Variants in FBXL2 observed in about 807,000 individuals in gnomAD.
FBXL2 encodes F-box/LRR-repeat protein 2.
Under a neutral mutation model 69.2 loss-of-function variants are expected in FBXL2, and 38 were observed. The observed-to-expected ratio is 0.55, with a 90% CI of 0.42 to 0.72. The LOEUF (loss-of-function observed/expected upper bound fraction) is 0.72, where lower values mean the gene tolerates loss of function less well. Ranked by LOEUF, FBXL2 falls within the 30% of genes least tolerant of loss-of-function variation. The pLI is 0.00. For missense variants in FBXL2, 354 were observed against 520.3 expected (o/e 0.68, Z 3.11); for synonymous variants, 192 against 201.3 (o/e 0.95, Z 0.39).
intron 2 of FBXL2, among the ~76,000 whole-genome samples, chr3:33,314,301 C>CTGAT (rs1245512307): frequency 8.5e-5 from 13 of 152,214 alleles, no homozygotes; most frequent in Admixed American, 1.3e-4. Flanking sequence ...AAGTTTGTAC[C>CTGAT]GTTTGACCAA....
chr3:33,390,327 G>C (rs368155809), downstream of FBXL2: 81 of 1,613,676 alleles, frequency 5.0e-5, no homozygotes, highest in Admixed American at 3.3e-5. Flanking sequence ...GTCTATATAA[G>C]ACATCACTTC....
At chr3:33,370,286 C>T (rs141357132) in intron 5 of FBXL2, among the ~76,000 whole-genome samples, 3,064 of 151,940 alleles carry the variant, frequency 0.02, 59 homozygotes, top group Admixed American at 0.057. Flanking sequence ...GGCGTGATGG[C>T]GGGCACCTGT....
At chr3:33,370,928 T>A (rs2042257470) in intron 5 of FBXL2, among the ~76,000 whole-genome samples, 1 of 151,624 alleles carries the variant, frequency 6.6e-6, no homozygotes, top group African/African-American at 2.4e-5. Flanking sequence ...CAATTATTTC[T>A]TCAGTATTTT....
chr3:33,322,031 G>A (rs1387111247), intron 2 of FBXL2, among the ~76,000 whole-genome samples: 1 of 147,266 alleles, frequency 6.8e-6, no homozygotes, highest in Non-Finnish European at 1.5e-5. Context: ...TATACCCTTA[G>A]GAACCTGCAA....
intron 1 of FBXL2, among the ~76,000 whole-genome samples, chr3:33,290,406 C>T (rs1490329911): frequency 6.6e-6 from 1 of 151,960 alleles, no homozygotes. Flanking sequence ...ATGAGATATA[C>T]AAAGAAACAA....
intron 2 of FBXL2, among the ~76,000 whole-genome samples, chr3:33,324,478 T>C (rs1041667113): frequency 2.0e-5 from 3 of 152,128 alleles, no homozygotes; most frequent in Admixed American, 1.3e-4. Flanking sequence ...TTAATTTTAG[T>C]GTAAGGTATA....
intron 2 of FBXL2, among the ~76,000 whole-genome samples, chr3:33,298,937 CT>C: frequency 6.6e-6 from 1 of 151,762 alleles, no homozygotes; most frequent in East Asian, 1.9e-4. Context: ...TTCACAGGGC[CT>C]TAATAGGCTA....
At chr3:33,398,866 C>T (rs183346545) in intron 12 of FBXL2, among the ~76,000 whole-genome samples, 6 of 152,276 alleles carry the variant, frequency 3.9e-5, no homozygotes, top group East Asian at 3.9e-4. Context: ...CCCAGCTCCC[C>T]GACCCTGAAA....
rs1559633375 is a variant in FBXL2 at position 33,377,270 on chromosome 3, C to T, written c.789-3C>T. 1 of 1,614,108 alleles carries T rather than the reference C, an allele frequency of 6.2e-7. No individual in the cohort carries two copies. The highest frequency in any genetic ancestry group is 8.5e-7 in the Non-Finnish European group (1 of 1,179,988). On this transcript the variant is annotated splice_polypyrimidine_tract_variant and splice_region_variant and intron_variant, in intron 10 of 14. Transcript: ENST00000484457. ...TTCTCCCCTGTACCCACTTTCTCCT[C>T]AGAATTTTGGAGGCTGCCCGATGCT...
chr3:33,319,876 A>G (rs1232725445), intron 2 of FBXL2, among the ~76,000 whole-genome samples: 1 of 152,240 alleles, frequency 6.6e-6, no homozygotes, highest in African/African-American at 2.4e-5. Context: ...CTAAATTCAG[A>G]CATCCAAAAA....
downstream of FBXL2, among the ~76,000 whole-genome samples, chr3:33,405,050 G>A (rs192289669): frequency 5.4e-4 from 82 of 152,214 alleles, no homozygotes; most frequent in African/African-American, 1.9e-3. Context: ...GAGTTAAGAG[G>A]CTATGGTCAC....
At chr3:33,298,779 C>T (rs577602133) in intron 2 of FBXL2, among the ~76,000 whole-genome samples, 62 of 148,558 alleles carry the variant, frequency 4.2e-4, no homozygotes, top group Non-Finnish European at 6.2e-4. Context: ...AATAGGTGTA[C>T]ACATGGTAAT....
chr3:33,316,551 TATC>T (rs2037714421), intron 2 of FBXL2, among the ~76,000 whole-genome samples: 1 of 152,158 alleles, frequency 6.6e-6, no homozygotes, highest in Non-Finnish European at 1.5e-5. Context: ...TTCCTCCCAG[TATC>T]ATCAGCTGCT....
At chr3:33,412,124 T>C in the FBXL2 span, among the ~76,000 whole-genome samples, 8 of 149,464 alleles carry the variant, frequency 5.4e-5, no homozygotes, top group Non-Finnish European at 1.2e-4. Context: ...GAGGCGGAGG[T>C]TGCAGTGAGC....
intron 2 of FBXL2, among the ~76,000 whole-genome samples, chr3:33,315,591 T>G (rs927563329): frequency 6.6e-6 from 1 of 152,188 alleles, no homozygotes; most frequent in Admixed American, 6.5e-5. Context: ...CTTTTTTGTT[T>G]ACTCACTTTG....
At chr3:33,372,090 C>G (rs2042337613) in intron 5 of FBXL2, among the ~76,000 whole-genome samples, 2 of 152,060 alleles carry the variant, frequency 1.3e-5, no homozygotes, top group Admixed American at 1.3e-4. Flanking sequence ...GTACTGAATT[C>G]TTTTTGTTGT....
At chr3:33,361,098 A>ATTTTTTTT (rs58660334) in intron 4 of FBXL2, among the ~76,000 whole-genome samples, 4 of 116,336 alleles carry the variant, frequency 3.4e-5, no homozygotes, top group Admixed American at 9.4e-5. Flanking sequence ...CGCCCGGCTA[A>ATTTTTTTT]TTTTTTTTTT....
At chr3:33,406,189 G>A (rs2044415845), downstream of FBXL2, among the ~76,000 whole-genome samples, 1 of 152,158 alleles carries the variant, frequency 6.6e-6, no homozygotes, top group Non-Finnish European at 1.5e-5. Context: ...TGAGGCAGGA[G>A]GACTGCTTGA....
At chr3:33,373,413 A>C in intron 7 of FBXL2, 58 bp downstream of exon 7, 1 of 1,532,952 alleles carries the variant, frequency 6.5e-7, no homozygotes, top group Non-Finnish European at 9.0e-7. Flanking sequence ...ACATTCTGGA[A>C]ACCTTCTTAA....
Sources: gnomAD v4.1 joint callset for allele counts (sites outside exome capture counted in the v4.1 genomes callset) on GRCh38, gnomAD v4.1.1 for gene constraint, MANE v1.5 for transcripts, NCBI Gene and HGNC (gene_info 2026-07-23, HGNC 2026-07-21) for gene names.